Variants in ATP2C1 observed in about 807,000 individuals in gnomAD.
The protein encoded by ATP2C1 is calcium-transporting ATPase type 2C member 1.
In ATP2C1, 31 loss-of-function variants were observed where a neutral mutation model predicts 120.5. The ratio of observed to expected loss-of-function variants is 0.26; its 90% CI spans 0.19 to 0.35. ATP2C1 has a LOEUF of 0.35. Among genes scored for constraint, ATP2C1 ranks in the 10% least tolerant of loss-of-function variants. The probability of loss-of-function intolerance (pLI) is 1.00; values close to 1 mark genes in which losing one functional copy is unlikely to be tolerated. For missense variants in ATP2C1, 731 were observed against 1,107.5 expected, an observed-to-expected ratio of 0.66 and a Z score of 4.83; for synonymous variants, 351 against 358.7, an observed-to-expected ratio of 0.98 and a Z score of 0.24.
chr3:130,996,893 A>C, intron 24 of ATP2C1, 97 bp downstream of exon 24: 1 of 863,870 alleles, frequency 1.2e-6, no homozygotes, highest in Non-Finnish European at 2.0e-6. Context: ...GTGTTGGAAA[A>C]CTTTGCAGCA....
At chr3:130,884,139 C>T (rs1415456352) in intron 1 of ATP2C1, among the ~76,000 whole-genome samples, 5 of 151,674 alleles carry the variant, frequency 3.3e-5, no homozygotes, top group Admixed American at 2.0e-4. Context: ...GGGGGTTTCA[C>T]GACATTGGCC....
chr3:130,901,209 A>G (rs1559898178), intron 2 of ATP2C1, among the ~76,000 whole-genome samples: 1 of 152,092 alleles, frequency 6.6e-6, no homozygotes, highest in Non-Finnish European at 1.5e-5. Context: ...AAGAGTTAAT[A>G]TTTGGCTTAT....
intron 1 of ATP2C1, among the ~76,000 whole-genome samples, chr3:130,864,147 T>C (rs144164145): frequency 0.011 from 1,683 of 152,250 alleles, 24 homozygotes; most frequent in East Asian, 0.085. Context: ...GACAATAAGG[T>C]CCAGGCTGAG....
chr3:130,894,581 C>CT lies in ATP2C1; in HGVS notation c.-180-8dup. On this transcript the variant is annotated splice_polypyrimidine_tract_variant and intron_variant, in intron 1 of 27. Coordinates refer to ENST00000510168, the MANE Select transcript of ATP2C1 (RefSeq NM_001378687.1). The surrounding 1 kb of genome is among the most constrained non-coding windows in gnomAD (Gnocchi z 4.5). ...TCGTCAGCGCCGCTTCTCCTGGTTT[C>CT]TCTTGCAGATGCTGCTGCTAGGGGT... is the stretch of plus-strand genomic sequence containing the variant. 6.8e-7 allele frequency: 1 copy of CT among 1,476,592 alleles called. No individual in the cohort carries two copies. The highest frequency in any genetic ancestry group is 9.0e-7 in the Non-Finnish European group (1 of 1,113,636). The allele number at this position is 1,476,592 out of a possible 1,614,324, so 91.5% of individuals were successfully genotyped here.
At chr3:130,927,920 C>A in intron 2 of ATP2C1, 1 of 155,272 alleles carries the variant, frequency 6.4e-6, no homozygotes, top group Non-Finnish European at 1.5e-5. Flanking sequence ...GTTCTGTTTC[C>A]TCAGTGAGCT....
At chr3:130,919,200 G>C (rs992965685) in intron 2 of ATP2C1, 1 of 172,766 alleles carries the variant, frequency 5.8e-6, no homozygotes, top group South Asian at 1.3e-4. Flanking sequence ...GTCCGAGATC[G>C]CTAGAATTTT....
intron 6 of ATP2C1, 141 bp from the exon 7 acceptor site, chr3:130,940,489 T>C (rs966871541): frequency 3.1e-6 from 2 of 655,096 alleles, no homozygotes; most frequent in Non-Finnish European, 5.4e-6. Flanking sequence ...GGGACAAGCT[T>C]TTCTGGGTAA....
intron 8 of ATP2C1, among the ~76,000 whole-genome samples, chr3:130,947,989 T>A (rs2060219515): frequency 6.6e-6 from 1 of 152,196 alleles, no homozygotes; most frequent in Non-Finnish European, 1.5e-5. Flanking sequence ...TTGTTATTTT[T>A]GCAAATGACA....
rs750181903 is a variant in ATP2C1, at chr3:130,967,221, C to T, written c.1199C>T (p.Ala400Val). Residue 400 changes from alanine (A) to valine (V), a missense_variant, in exon 15 of 28, where the codon GCT becomes GTT. Transcript: ENST00000510168. ...GDVVHGFYNP[A>V]VSRIVEAGCV... ...GTTGTTCATGGATTCTATAACCCAG[C>T]TGTTAGCAGAATTGTTGAGGTAAAT... 1 of 1,613,518 alleles carries T rather than the reference C, an allele frequency of 6.2e-7. No individual in the cohort carries two copies. Among genetic ancestry groups the T allele is most frequent in the Non-Finnish European group, 8.5e-7 (1 of 1,179,590 alleles).
intron 2 of ATP2C1, 31 bp from the exon 3 acceptor site, chr3:130,930,385 C>A (rs763666673): frequency 1.5e-6 from 2 of 1,370,732 alleles, no homozygotes; most frequent in South Asian, 1.2e-5. Flanking sequence ...TTGCTATATT[C>A]AAATATTTTT....
In ATP2C1 at chr3:130,945,190, G is replaced by GT. The variant is rs992968381; in HGVS notation, c.531+3500dup. ...GAATTGAGCTTTGGGCATGTTATTT[G>GT]TTTTTTTTTCCCCCGAGGGTTTTTA... On this transcript the variant is annotated intron_variant, in intron 8 of 27. Coordinates refer to ENST00000510168, the MANE Select transcript of ATP2C1 (RefSeq NM_001378687.1). 5.3e-5 allele frequency among the ~76,000 whole-genome samples: 8 copies of GT among 150,374 alleles called. 1 individual carries two copies. The highest frequency in any genetic ancestry group is 4.2e-4 in the South Asian group (2 of 4,746).
intron 8 of ATP2C1, among the ~76,000 whole-genome samples, chr3:130,951,946 C>G (rs2060386871): frequency 6.6e-6 from 1 of 151,842 alleles, no homozygotes; most frequent in African/African-American, 2.4e-5. Context: ...CTATTGTAAA[C>G]TGTTATTTTT....
At chr3:131,007,090 A>C (rs2063145407), downstream of ATP2C1, among the ~76,000 whole-genome samples, 1 of 151,888 alleles carries the variant, frequency 6.6e-6, no homozygotes, top group Admixed American at 6.7e-5. Flanking sequence ...CTAAACAGAA[A>C]TTTGGTGATC....
intron 1 of ATP2C1, among the ~76,000 whole-genome samples, chr3:130,881,363 T>TCCC (rs1190827018): frequency 6.7e-6 from 1 of 148,922 alleles, no homozygotes; most frequent in African/African-American, 2.5e-5. Context: ...CTCCTCCTCC[T>TCCC]CCCCCTCCCC....
At chr3:130,874,405 T>A (rs190083103) in intron 1 of ATP2C1, among the ~76,000 whole-genome samples, 1 of 152,334 alleles carries the variant, frequency 6.6e-6, no homozygotes, top group Non-Finnish European at 1.5e-5. Context: ...TCCTATTGAT[T>A]AACATCGCCT....
chr3:130,878,381 TACC>T (rs1304628509), intron 1 of ATP2C1, among the ~76,000 whole-genome samples: 1 of 152,208 alleles, frequency 6.6e-6, no homozygotes, highest in Non-Finnish European at 1.5e-5. Flanking sequence ...ATGTTTTGTG[TACC>T]CTTTGTTTCT....
chr3:130,922,089 G>A (rs975925423), intron 2 of ATP2C1, among the ~76,000 whole-genome samples: 2 of 152,072 alleles, frequency 1.3e-5, no homozygotes, highest in African/African-American at 4.8e-5. Flanking sequence ...ATCTGGTACT[G>A]GACTTTTTTT....
intron 26 of ATP2C1, chr3:131,013,961 A>C (rs2063446933): frequency 1.2e-6 from 1 of 811,554 alleles, no homozygotes; most frequent in Admixed American, 2.8e-5. Flanking sequence ...CTAACAGGTC[A>C]GTCCTAAAGA....
chr3:131,015,073 G>T (rs890744437), intron 26 of ATP2C1: 5 of 510,794 alleles, frequency 9.8e-6, no homozygotes, highest in African/African-American at 3.9e-5. Flanking sequence ...TTAAACGAAA[G>T]AAATAAAGAA....
Sources: gnomAD v4.1 joint callset for allele counts (sites outside exome capture counted in the v4.1 genomes callset) on GRCh38, gnomAD v4.1.1 for gene constraint, Gnocchi (gnomAD v3.1) non-coding constraint, MANE v1.5 for transcripts, NCBI Gene and HGNC (gene_info 2026-07-23, HGNC 2026-07-21) for gene names.